SMURF1: variants seen among roughly 807,000 people sequenced by gnomAD.
The protein encoded by SMURF1 is SMAD specific E3 ubiquitin protein ligase 1, also known as E3 ubiquitin-protein ligase SMURF1.
SMURF1 carries 44 observed loss-of-function variants against 98.0 expected under a neutral mutation model. The ratio of observed to expected loss-of-function variants is 0.45; its 90% CI spans 0.35 to 0.58. The LOEUF (loss-of-function observed/expected upper bound fraction) is 0.58, where lower values mean the gene tolerates loss of function less well. Ranked by LOEUF, SMURF1 falls within the 20% of genes least tolerant of loss-of-function variation. The probability of loss-of-function intolerance (pLI) is 0.00; values close to 1 mark genes in which losing one functional copy is unlikely to be tolerated. For synonymous variants in SMURF1, 396 were observed against 374.9 expected, an observed-to-expected ratio of 1.06 and a Z score of -0.65; for missense variants, 687 against 938.4, an observed-to-expected ratio of 0.73 and a Z score of 3.50.
intron 1 of SMURF1, among the ~76,000 whole-genome samples, chr7:99,097,182 C>G (rs909897114): frequency 4.6e-5 from 7 of 152,032 alleles, no homozygotes; most frequent in African/African-American, 1.7e-4. Context: ...AATCAGGCAT[C>G]TAAGCTTCTA....
At chr7:99,050,664 A>C in intron 8 of SMURF1, 1 of 369,984 alleles carries the variant, frequency 2.7e-6, no homozygotes, top group Non-Finnish European at 4.9e-6. Flanking sequence ...CAGGGGGTAC[A>C]AAAGAGACAC....
At chr7:99,069,094 T>C (rs1796265265) in intron 1 of SMURF1, among the ~76,000 whole-genome samples, 1 of 152,202 alleles carries the variant, frequency 6.6e-6, no homozygotes, top group Non-Finnish European at 1.5e-5. Flanking sequence ...TAAAATGTTC[T>C]TTCTTTAATG....
intron 1 of SMURF1, among the ~76,000 whole-genome samples, chr7:99,080,730 C>T (rs942842653): frequency 6.6e-6 from 1 of 152,096 alleles, no homozygotes; most frequent in African/African-American, 2.4e-5. Flanking sequence ...TTGATGAGAC[C>T]GACACTGAAA....
chr7:99,037,014 CAGACGCCAGCCACAG>C (rs995446941), intron 15 of SMURF1, 38 bp downstream of exon 15: 1 of 1,611,136 alleles, frequency 6.2e-7, no homozygotes, highest in African/African-American at 1.3e-5. Context: ...TTAAAACAGG[CAGACGCCAGCCACAG>C]GGACGCCCTG....
rs1584460845 is a variant in SMURF1 at position 99,051,250 on chromosome 7, C to T, written c.806+107G>A. ...TCCCAGACATCAATATCATCTCATT[C>T]ATCACTATTTTTAGTTTAAAACAAG... On this transcript the variant is annotated intron_variant, in intron 8 of 17. Transcript: ENST00000361368. The T allele has an allele frequency of 6.2e-6, 6 of 972,930 alleles. No individual in the cohort carries two copies. The East Asian group carries it at 1.4e-4, about 23-fold the overall frequency. 60.3% of individuals were successfully genotyped at this position (972,930 alleles called of 1,614,324 possible). A position where few individuals can be genotyped will look rare whatever the true frequency, so the allele number is the denominator to read the frequency against.
At chr7:99,081,027 T>G (rs966635974) in intron 1 of SMURF1, 1 of 152,316 alleles carries the variant, frequency 6.6e-6, no homozygotes, top group African/African-American at 2.4e-5. Context: ...CAGCTCCCCC[T>G]GACCCCCAAC....
At chr7:99,084,251 ATTTC>A (rs1396586837) in intron 1 of SMURF1, among the ~76,000 whole-genome samples, 4 of 152,262 alleles carry the variant, frequency 2.6e-5, no homozygotes, top group South Asian at 4.1e-4. Context: ...ACCTTGAATT[ATTTC>A]TTTAAGTAGA....
At chr7:99,101,842 G>A (rs1345479843) in intron 1 of SMURF1, among the ~76,000 whole-genome samples, 1 of 152,066 alleles carries the variant, frequency 6.6e-6, no homozygotes, top group East Asian at 1.9e-4. Context: ...GGCTGAGGCA[G>A]GAGAATCATT....
intron 1 of SMURF1, among the ~76,000 whole-genome samples, chr7:99,104,489 C>T (rs913820410): frequency 6.6e-6 from 1 of 152,082 alleles, no homozygotes; most frequent in Non-Finnish European, 1.5e-5. Context: ...TGATCTTGGG[C>T]AAGAGTCAAA....
chr7:99,117,805 C>T (rs191673830), intron 1 of SMURF1, among the ~76,000 whole-genome samples: 13 of 151,766 alleles, frequency 8.6e-5, no homozygotes, highest in South Asian at 8.4e-4. Flanking sequence ...ATATGCTGAG[C>T]GTGGTGGCTC....
At chr7:99,039,730 G>A (rs911510745) in intron 13 of SMURF1, among the ~76,000 whole-genome samples, 7 of 152,146 alleles carry the variant, frequency 4.6e-5, no homozygotes, top group African/African-American at 1.7e-4. Flanking sequence ...TGTGACACAT[G>A]GGACACAACC....
chr7:99,124,720 A>G (rs1385311481), intron 1 of SMURF1, among the ~76,000 whole-genome samples: 1 of 152,218 alleles, frequency 6.6e-6, no homozygotes, highest in Non-Finnish European at 1.5e-5. Context: ...TTGGGATCCA[A>G]CTAGTACTTC....
intron 1 of SMURF1, among the ~76,000 whole-genome samples, chr7:99,065,058 C>T (rs1364261923): frequency 2.0e-5 from 3 of 151,596 alleles, no homozygotes; most frequent in African/African-American, 4.8e-5. Context: ...GCATATTTAT[C>T]CCTTTATTAA....
rs965411445 is a variant in SMURF1, at chr7:99,099,953, C to T, written c.56-38116G>A. Reference sequence around the variant, plus strand: ...CTATCCAGTTTCAGGTATTCTGATACAGCAACTCTAAACGAACTAGGACAG... The same window carrying T: ...CTATCCAGTTTCAGGTATTCTGATATAGCAACTCTAAACGAACTAGGACAG... On this transcript the variant is annotated intron_variant, in intron 1 of 17. Transcript: ENST00000361368. 1.9e-4 allele frequency among the ~76,000 whole-genome samples: 29 copies of T among 152,138 alleles called. 1 individual carries two copies. The highest frequency in any genetic ancestry group is 1.2e-4 in the Non-Finnish European group (8 of 68,028).
intron 1 of SMURF1, among the ~76,000 whole-genome samples, chr7:99,082,899 T>G (rs758671359): frequency 6.6e-6 from 1 of 152,236 alleles, no homozygotes; most frequent in Non-Finnish European, 1.5e-5. Context: ...CCTCTTTCAT[T>G]TCTTTCCACG....
chr7:99,068,242 C>T (rs1055918008), intron 1 of SMURF1, among the ~76,000 whole-genome samples: 2 of 152,172 alleles, frequency 1.3e-5, no homozygotes, highest in African/African-American at 2.4e-5. Context: ...CAACTGTGCC[C>T]TCCCTGATGG....
chr7:99,038,359 A>T (rs767998480), intron 14 of SMURF1, 29 bp downstream of exon 14: 9 of 1,611,228 alleles, frequency 5.6e-6, no homozygotes, highest in Non-Finnish European at 7.6e-6. Flanking sequence ...CGCCCCAGGC[A>T]CCTGGCCGTC....
Position 99,042,655 on chromosome 7 carries a change from C to CA in SMURF1, c.1257-424dup, listed in dbSNP as rs202218249. On this transcript the variant is annotated intron_variant, in intron 11 of 17. Transcript: ENST00000361368. ...ACCCCAAAGTTAAAAACAGTCAAGC[C>CA]AAAAAAAAGGCACTTTAAATAGAAA... Among the ~76,000 whole-genome samples, 233 of 151,626 alleles carry CA rather than the reference C, an allele frequency of 1.5e-3. 1 individual carries two copies. Among genetic ancestry groups the CA allele is most frequent in the African/African-American group, 5.4e-3 (223 of 41,372 alleles).
chr7:99,074,893 G>T (rs1220142106), intron 1 of SMURF1, among the ~76,000 whole-genome samples: 1 of 152,088 alleles, frequency 6.6e-6, no homozygotes, highest in African/African-American at 2.4e-5. Flanking sequence ...CTTTTAAATA[G>T]ACACCTTACC....
Sources: gnomAD v4.1 joint callset for allele counts (sites outside exome capture counted in the v4.1 genomes callset) on GRCh38, gnomAD v4.1.1 for gene constraint, MANE v1.5 for transcripts, NCBI Gene and HGNC (gene_info 2026-07-23, HGNC 2026-07-21) for gene names.